Variants in PCMT1 observed in about 807,000 individuals in gnomAD.
The protein encoded by PCMT1 is protein-L-isoaspartate (D-aspartate) O-methyltransferase, also known as protein-L-isoaspartate(D-aspartate) O-methyltransferase.
In PCMT1, 9 loss-of-function variants were observed where a neutral mutation model predicts 29.2. The ratio of observed to expected loss-of-function variants is 0.31; its 90% CI spans 0.19 to 0.54. The LOEUF (loss-of-function observed/expected upper bound fraction) is 0.54, where lower values mean the gene tolerates loss of function less well. Among genes scored for constraint, PCMT1 ranks in the 20% least tolerant of loss-of-function variants. PCMT1 has a pLI of 0.95. For synonymous variants in PCMT1, 98 were observed against 97.5 expected, an observed-to-expected ratio of 1.00 and a Z score of -0.03; for missense variants, 184 against 282.2, an observed-to-expected ratio of 0.65 and a Z score of 2.49.
chr6:149,781,301 A>G (rs985406385), intron 3 of PCMT1, among the ~76,000 whole-genome samples: 32 of 147,724 alleles, frequency 2.2e-4, no homozygotes, highest in African/African-American at 8.0e-4. Flanking sequence ...ATCTCAGCTC[A>G]CTGCAACCTC....
At chr6:149,760,844 C>A (rs1484727665) in intron 1 of PCMT1, among the ~76,000 whole-genome samples, 1 of 151,960 alleles carries the variant, frequency 6.6e-6, no homozygotes, top group South Asian at 2.1e-4. Context: ...AGCAAGACTC[C>A]GTCTCAAAAA....
In PCMT1 at chr6:149,793,016, A is replaced by T. The variant is rs891069017; in HGVS notation, c.298-533A>T. Among the ~76,000 whole-genome samples, 79 of 152,134 alleles carry T rather than the reference A, an allele frequency of 5.2e-4. 1 individual carries two copies. The highest frequency in any genetic ancestry group is 1.9e-3 in the African/African-American group (77 of 41,536). On this transcript the variant is annotated intron_variant, in intron 4 of 7. Transcript: ENST00000464889. ...TCTCTACTAAAAATACAAAAAAATTAGCTGGGCATGGTGGCGGGGGCCTGT... is the reference window on the plus strand; with the variant it reads ...TCTCTACTAAAAATACAAAAAAATTTGCTGGGCATGGTGGCGGGGGCCTGT...
chr6:149,785,451 G>C (rs539094426), intron 3 of PCMT1, among the ~76,000 whole-genome samples: 168 of 144,938 alleles, frequency 1.2e-3, no homozygotes, highest in African/African-American at 3.7e-3. Context: ...GGTGTTTCTC[G>C]CAGAGGGGGA....
At chr6:149,798,920 A>G (rs1445549625) in intron 6 of PCMT1, 1 of 152,258 alleles carries the variant, frequency 6.6e-6, no homozygotes, top group Non-Finnish European at 1.5e-5. Flanking sequence ...AAATTTTCTA[A>G]AAACTGATGG....
At chr6:149,766,793 C>T (rs1367100292) in intron 1 of PCMT1, among the ~76,000 whole-genome samples, 4 of 152,210 alleles carry the variant, frequency 2.6e-5, no homozygotes, top group African/African-American at 4.8e-5. Flanking sequence ...CTCCTCCCTT[C>T]TCCTATCCTC....
At chr6:149,797,725 C>T (rs773969558) in intron 6 of PCMT1, 1 of 152,218 alleles carries the variant, frequency 6.6e-6, no homozygotes, top group African/African-American at 2.4e-5. Context: ...GAAGGTGACA[C>T]TGTTTCTTCT....
chr6:149,772,340 A>T (rs191727706), intron 2 of PCMT1: 2 of 327,556 alleles, frequency 6.1e-6, no homozygotes, highest in Non-Finnish European at 1.2e-5. Flanking sequence ...AGATGATAAG[A>T]TAAAGAATAA....
chr6:149,802,992 G>A (rs1435412072), intron 7 of PCMT1, among the ~76,000 whole-genome samples: 4 of 146,082 alleles, frequency 2.7e-5, no homozygotes, highest in Non-Finnish European at 4.5e-5. Context: ...GGCGGAGGTT[G>A]CAGTGGGCCG....
intron 3 of PCMT1, among the ~76,000 whole-genome samples, chr6:149,777,570 A>G (rs1045150891): frequency 6.6e-6 from 1 of 152,230 alleles, no homozygotes. Flanking sequence ...ACAGTATAAA[A>G]GTTGAGTCCC....
intron 3 of PCMT1, among the ~76,000 whole-genome samples, chr6:149,787,663 C>G (rs1025975660): frequency 8.6e-5 from 13 of 151,156 alleles, no homozygotes; most frequent in Non-Finnish European, 1.6e-4. Flanking sequence ...ATGCCCGGCC[C>G]AAATGTTTTT....
intron 1 of PCMT1, among the ~76,000 whole-genome samples, chr6:149,770,640 A>T: frequency 7.0e-6 from 1 of 142,768 alleles, no homozygotes. Flanking sequence ...TGGGAGGCGG[A>T]GGTTGCAGTG....
intron 3 of PCMT1, among the ~76,000 whole-genome samples, chr6:149,779,045 AC>A (rs1027544957): frequency 6.6e-6 from 1 of 150,816 alleles, no homozygotes; most frequent in East Asian, 2.0e-4. Flanking sequence ...GCCCCACCCC[AC>A]CCCCCCACTC....
chr6:149,760,835 G>A (rs1562396977), intron 1 of PCMT1, among the ~76,000 whole-genome samples: 1 of 152,284 alleles, frequency 6.6e-6, no homozygotes, highest in South Asian at 2.1e-4. Context: ...CTGGCACAGA[G>A]CAAGACTCCG....
chr6:149,759,539 G>A (rs1472989808), intron 1 of PCMT1, among the ~76,000 whole-genome samples: 1 of 151,684 alleles, frequency 6.6e-6, no homozygotes, highest in Non-Finnish European at 1.5e-5. Flanking sequence ...TTGTTGCCCG[G>A]GCTGGAGTGC....
At chr6:149,805,181 G>A (rs965053986) in intron 7 of PCMT1, among the ~76,000 whole-genome samples, 6 of 152,222 alleles carry the variant, frequency 3.9e-5, no homozygotes, top group African/African-American at 1.4e-4. Context: ...GCGGCAGTGA[G>A]CTGTGATCAC....
At chr6:149,805,720 GAGGTCA>G (rs1371703043) in intron 7 of PCMT1, among the ~76,000 whole-genome samples, 1 of 149,564 alleles carries the variant, frequency 6.7e-6, no homozygotes, top group African/African-American at 2.5e-5. Flanking sequence ...GGCGGATCAC[GAGGTCA>G]GGAGATCGAG....
At position 149,780,041 on chromosome 6, in the gene PCMT1, T is replaced by C. The variant is rs115782914; in HGVS notation, c.192+6872T>C. ...AAAACAACAATACAAAACAGCTTTA[T>C]TAAGATACAATTCTTGGCTAGGTAC... On this transcript the variant is annotated intron_variant, in intron 3 of 7. Transcript: ENST00000464889. 1.6e-3 allele frequency among the ~76,000 whole-genome samples: 239 copies of C among 151,734 alleles called. 1 individual carries two copies. Among genetic ancestry groups the C allele is most frequent in the African/African-American group, 5.4e-3 (225 of 41,394 alleles).
chr6:149,783,422 C>T (rs991352672), intron 3 of PCMT1, among the ~76,000 whole-genome samples: 2 of 152,134 alleles, frequency 1.3e-5, no homozygotes, highest in African/African-American at 2.4e-5. Context: ...TAAGCCACCG[C>T]ACCCGTCCCA....
In PCMT1 at chr6:149,811,398, ATAAAGT is replaced by A. The variant is rs1364345671; in HGVS notation, c.*825_*830del. ...AGTTTATGCAGTGCTGCTTTGCCAA[ATAAAGT>A]TAAAAGTAAAAGAGGCATTGGTTGT... On this transcript the variant is annotated 3_prime_UTR_variant, in exon 8 of 8. Coordinates refer to ENST00000464889, the MANE Select transcript of PCMT1 (RefSeq NM_001360452.2). 2 of 152,706 alleles carry A rather than the reference ATAAAGT, an allele frequency of 1.3e-5. No individual in the cohort carries two copies. The highest frequency in any genetic ancestry group is 4.8e-5 in the African/African-American group (2 of 41,466). 9.5% of individuals were successfully genotyped at this position (152,706 alleles called of 1,614,324 possible).
Sources: gnomAD v4.1 joint callset for allele counts (sites outside exome capture counted in the v4.1 genomes callset) on GRCh38, gnomAD v4.1.1 for gene constraint, MANE v1.5 for transcripts, NCBI Gene and HGNC (gene_info 2026-07-23, HGNC 2026-07-21) for gene names.